The following R3HDM1 variants were observed in gnomAD, a reference collection of about 807,000 sequenced individuals.
R3HDM1 encodes the protein R3H domain containing 1.
In R3HDM1, 46 loss-of-function variants were observed where a neutral mutation model predicts 141.1. That is an observed-to-expected ratio of 0.33 (90% confidence interval 0.26 to 0.42). The LOEUF is 0.42. R3HDM1 is among the 10% of genes least tolerant of loss of function. The pLI is 1.00. For synonymous variants in R3HDM1, 435 were observed against 472.9 expected, an observed-to-expected ratio of 0.92 and a Z score of 1.04; for missense variants, 1,184 against 1,368.3, an observed-to-expected ratio of 0.87 and a Z score of 2.12.
chr2:135,553,141 A>T (rs111861320), intron 1 of R3HDM1, among the ~76,000 whole-genome samples: 116 of 152,294 alleles, frequency 7.6e-4, no homozygotes, highest in African/African-American at 2.6e-3. Context: ...AAGCACTGGG[A>T]TTACAGGCAT....
rs533552133 is a variant in R3HDM1 at position 135,540,798 on chromosome 2, A to G, written c.-250+9165A>G. 1.7e-4 allele frequency among the ~76,000 whole-genome samples: 26 copies of G among 152,360 alleles called. No homozygotes were observed. The South Asian group carries it at 5.4e-3, about 32-fold the overall frequency. On this transcript the variant is annotated intron_variant, in intron 1 of 26. Transcript: ENST00000683871. ...TTTACCCAGTTGCATCAGAGGAATT[A>G]CTATCTTTGGCGGCCATGTAGCCTT...
chr2:135,619,980 A>C (rs1244455429), intron 5 of R3HDM1, among the ~76,000 whole-genome samples: 5 of 152,212 alleles, frequency 3.3e-5, no homozygotes. Context: ...TTCAGTGTTT[A>C]AAATATATCT....
intron 1 of R3HDM1, among the ~76,000 whole-genome samples, chr2:135,567,487 A>G (rs963677334): frequency 4.6e-5 from 7 of 152,168 alleles, no homozygotes; most frequent in East Asian, 1.9e-4. Flanking sequence ...TGCTTGACCA[A>G]TGTTCTGGTG....
chr2:135,562,610 T>G (rs1702005220), intron 1 of R3HDM1, among the ~76,000 whole-genome samples: 1 of 152,200 alleles, frequency 6.6e-6, no homozygotes. Context: ...AAATCTTATC[T>G]CCTTAATTGA....
intron 7 of R3HDM1, among the ~76,000 whole-genome samples, chr2:135,628,358 A>C (rs2105203629): frequency 6.6e-6 from 1 of 152,298 alleles, no homozygotes; most frequent in Non-Finnish European, 1.5e-5. Context: ...TATCTTTTTT[A>C]AAATAAGTGA....
In R3HDM1 at chr2:135,621,306, C is replaced by T. The variant is rs146125308; in HGVS notation, c.304-188C>T. Among the ~76,000 whole-genome samples the T allele has an allele frequency of 2.3e-3, 353 of 152,068 alleles. 2 individuals are homozygous for T. Among genetic ancestry groups the T allele is most frequent in the African/African-American group, 7.7e-3 (319 of 41,536 alleles). ...TATTCAACTCAGAACGTTAGTTTTACATTTTATATAAAGTATTTGATAAAA... is the reference window on the plus strand; with the variant it reads ...TATTCAACTCAGAACGTTAGTTTTATATTTTATATAAAGTATTTGATAAAA... On this transcript the variant is annotated intron_variant, in intron 5 of 26. Transcript: ENST00000683871.
chr2:135,668,260 TG>T (rs2067822398), intron 19 of R3HDM1, among the ~76,000 whole-genome samples: 1 of 152,222 alleles, frequency 6.6e-6, no homozygotes, highest in African/African-American at 2.4e-5. Flanking sequence ...AATGTTAGCC[TG>T]TTAATGCCTG....
chr2:135,622,134 A>G, intron 6 of R3HDM1: 1 of 983,464 alleles, frequency 1.0e-6, no homozygotes, highest in Non-Finnish European at 1.2e-6. Flanking sequence ...TAAGGCGAAG[A>G]TAGCATGAAT....
chr2:135,665,330 A>T (rs961404269), intron 19 of R3HDM1: 58 of 484,946 alleles, frequency 1.2e-4, no homozygotes, highest in Non-Finnish European at 3.5e-5. Context: ...TATTATTCTT[A>T]TGACTCTTGA....
intron 24 of R3HDM1, among the ~76,000 whole-genome samples, chr2:135,720,859 A>G (rs1274757741): frequency 6.6e-6 from 1 of 152,200 alleles, no homozygotes; most frequent in African/African-American, 2.4e-5. Flanking sequence ...TAAAAACTTA[A>G]TGTTTATCCA....
chr2:135,585,132 G>A (rs183611023), intron 1 of R3HDM1, among the ~76,000 whole-genome samples: 2 of 152,318 alleles, frequency 1.3e-5, no homozygotes, highest in African/African-American at 4.8e-5. Flanking sequence ...TCTCAGATAA[G>A]TCTCAGTGTT....
intron 19 of R3HDM1, chr2:135,669,204 G>A (rs1051540035): frequency 3.8e-5 from 37 of 985,076 alleles, no homozygotes; most frequent in Admixed American, 3.1e-4. Flanking sequence ...CGCATCTTGC[G>A]GGTAGTGGAC....
At chr2:135,542,573 T>C (rs80149631) in intron 1 of R3HDM1, among the ~76,000 whole-genome samples, 1,574 of 152,340 alleles carry the variant, frequency 0.01, 25 homozygotes, top group African/African-American at 0.036. Context: ...TGCTATAATA[T>C]GGTTTTGTCA....
At chr2:135,623,558 G>A (rs2105185207) in intron 7 of R3HDM1, among the ~76,000 whole-genome samples, 1 of 152,306 alleles carries the variant, frequency 6.6e-6, no homozygotes, top group South Asian at 2.1e-4. Context: ...CAACCCCAAA[G>A]AGAATTACCA....
At position 135,531,574 on chromosome 2, in the gene R3HDM1, A is replaced by G; in HGVS notation, c.-309A>G. 1.0e-6 allele frequency: 1 copy of G among 986,542 alleles called. No individual in the cohort carries two copies. Among genetic ancestry groups the G allele is most frequent in the Non-Finnish European group, 1.2e-6 (1 of 830,580 alleles). The allele number at this position is 986,542 out of a possible 1,614,324, so 61.1% of individuals were successfully genotyped here. On this transcript the variant is annotated 5_prime_UTR_variant, in exon 1 of 27. Coordinates refer to ENST00000683871, the MANE Select transcript of R3HDM1 (RefSeq NM_001378107.1). ...GTAAGACTCTTACTTGCACCCACCC[A>G]GCCCCGCCGTCGCCCCGCCGCGCCG... is the stretch of plus-strand genomic sequence containing the variant.
At chr2:135,554,277 CT>C (rs1351887149) in intron 1 of R3HDM1, among the ~76,000 whole-genome samples, 1 of 152,154 alleles carries the variant, frequency 6.6e-6, no homozygotes, top group Non-Finnish European at 1.5e-5. Context: ...AGTATGTGGT[CT>C]TTTGCAACTG....
At chr2:135,708,178 A>G (rs2075173770) in intron 21 of R3HDM1, among the ~76,000 whole-genome samples, 1 of 152,230 alleles carries the variant, frequency 6.6e-6, no homozygotes, top group Non-Finnish European at 1.5e-5. Flanking sequence ...CAGCATATGT[A>G]TCCCTGAAGG....
At chr2:135,659,429 C>A (rs1368897874) in intron 18 of R3HDM1, among the ~76,000 whole-genome samples, 1 of 151,574 alleles carries the variant, frequency 6.6e-6, no homozygotes, top group Non-Finnish European at 1.5e-5. Context: ...TAATAAGTAG[C>A]AGGACTACAT....
intron 5 of R3HDM1, among the ~76,000 whole-genome samples, chr2:135,617,334 A>ACATAT (rs544658980): frequency 6.6e-6 from 1 of 151,026 alleles, no homozygotes; most frequent in African/African-American, 2.4e-5. Flanking sequence ...CTCAAAAAAA[A>ACATAT]ATATATATAT....
Sources: allele counts gnomAD v4.1 joint callset (sites outside exome capture counted in the v4.1 genomes callset), GRCh38; gene constraint gnomAD v4.1.1; transcripts MANE v1.5; gene names NCBI Gene and HGNC (gene_info 2026-07-23, HGNC 2026-07-21).